SMIM29: variants seen among roughly 807,000 people sequenced by gnomAD.
SMIM29 encodes small integral membrane protein 29, also known as uncharacterized protein C6orf1.
In SMIM29, 4 loss-of-function variants were observed where a neutral mutation model predicts 12.9. The observed-to-expected ratio is 0.31, with a 90% CI of 0.15 to 0.71. The LOEUF (loss-of-function observed/expected upper bound fraction) is 0.71, where lower values mean the gene tolerates loss of function less well. SMIM29 is among the 30% of genes least tolerant of loss of function. SMIM29 has a pLI of 0.70. For synonymous variants in SMIM29, 50 were observed against 52.0 expected, an observed-to-expected ratio of 0.96 and a Z score of 0.17; for missense variants, 122 against 138.1, an observed-to-expected ratio of 0.88 and a Z score of 0.58.
chr6:34,246,521 A>G lies in SMIM29; in HGVS notation c.*282T>C. The stretch of plus-strand genomic sequence containing the variant: ...AAGCCCAGCCCAGGAGGGCTAGAGA[A>G]AGCAAAGGTGTCTACCAGCCGCCCC... On this transcript the variant is annotated 3_prime_UTR_variant, in exon 5 of 5. Coordinates refer to ENST00000476320, the MANE Select transcript of SMIM29 (RefSeq NM_001008703.4). 1 of 1,548,966 alleles carries G rather than the reference A, an allele frequency of 6.5e-7. No homozygotes were observed. The highest frequency in any genetic ancestry group is 8.7e-7 in the Non-Finnish European group (1 of 1,146,512).
chr6:34,247,722 G>A lies in SMIM29; in HGVS notation c.70C>T (p.Pro24Ser). 1 of 1,390,576 alleles carries A rather than the reference G, an allele frequency of 7.2e-7. No individual in the cohort carries two copies. Among genetic ancestry groups the A allele is most frequent in the Non-Finnish European group, 9.3e-7 (1 of 1,079,250 alleles). The allele number at this position is 1,390,576 out of a possible 1,614,324, so 86.1% of individuals were successfully genotyped here. A position where few individuals can be genotyped will look rare whatever the true frequency, so the allele number is the denominator to read the frequency against. ...SDSMVGYVLG[P>S]FFLITLVGVV... ...CCGACCAGGGTGATGAGGAAGAAGG[G>A]CCCCAACACATAGCCCACCATGGAG... Residue 24 changes from proline to serine, a missense_variant, in exon 2 of 5, where the codon CCC becomes TCC. Transcript: ENST00000476320.
In SMIM29 at chr6:34,247,829, C is replaced by T. The variant is rs893004999; in HGVS notation, c.-38G>A. 1.6e-6 allele frequency: 2 copies of T among 1,270,080 alleles called. No homozygotes were observed. Among genetic ancestry groups the T allele is most frequent in the African/African-American group, 3.1e-5 (2 of 64,808 alleles). 78.7% of individuals were successfully genotyped at this position (1,270,080 alleles called of 1,614,324 possible). On this transcript the variant is annotated 5_prime_UTR_variant, in exon 2 of 5. Coordinates refer to ENST00000476320, the MANE Select transcript of SMIM29 (RefSeq NM_001008703.4). Reference sequence around the variant, plus strand: ...CGGAGGGCTGGGTGGTCAGCATGGGCAGTGGCGCTTCGGGAGGGCGCCTCC... The same window carrying T: ...CGGAGGGCTGGGTGGTCAGCATGGGTAGTGGCGCTTCGGGAGGGCGCCTCC...
intron 1 of SMIM29, chr6:34,248,675 G>A: frequency 8.1e-6 from 8 of 985,534 alleles, no homozygotes; most frequent in Non-Finnish European, 7.2e-6. Flanking sequence ...GGCAAGGTAT[G>A]AGCGACCTAC....
At chr6:34,247,608 G>A (rs1473963881) in intron 2 of SMIM29, 73 bp downstream of exon 2, 18 of 1,467,358 alleles carry the variant, frequency 1.2e-5, no homozygotes, top group Non-Finnish European at 1.4e-5. Context: ...ACTCTGTGCA[G>A]ACTGGACCAG....
At chr6:34,248,224 C>T (rs1762885187) in intron 1 of SMIM29, 3 of 985,374 alleles carry the variant, frequency 3.0e-6, no homozygotes, top group East Asian at 2.3e-4. Context: ...CTGCCAGCAC[C>T]TGTCCAGTGG....
rs571773263 is a variant in SMIM29 at position 34,246,948 on chromosome 6, C to A, written c.244-80G>T. 15 of 1,603,670 alleles carry A rather than the reference C, an allele frequency of 9.4e-6. No individual in the cohort carries two copies. The South Asian group carries it at 1.7e-4, about 18-fold the overall frequency. ...AGCACCCAGTTACAGCCCAAGTAAG[C>A]AGAACCAGGCTCTGGTTTCAGTGTG... On this transcript the variant is annotated intron_variant, in intron 4 of 4. Transcript: ENST00000476320.
chr6:34,248,893 C>G lies in SMIM29; in HGVS notation c.-74+86G>C, dbSNP rs191427530. 194 of 985,624 alleles carry G rather than the reference C, an allele frequency of 2.0e-4. No individual in the cohort carries two copies. The African/African-American group carries it at 3.3e-3, about 17-fold the overall frequency. The allele number at this position is 985,624 out of a possible 1,614,324, so 61.1% of individuals were successfully genotyped here. On this transcript the variant is annotated intron_variant, in intron 1 of 4. Coordinates refer to ENST00000476320, the MANE Select transcript of SMIM29 (RefSeq NM_001008703.4). ...GTTGGGGGATGCGGATGGGCCGCCC[C>G]GCGCCCGAACATCCTGGAAGCCCGT...
rs1762767119 is a variant in SMIM29, at chr6:34,246,543, C to T, written c.*260G>A. 1.3e-6 allele frequency: 2 copies of T among 1,568,712 alleles called. No individual in the cohort carries two copies. Among genetic ancestry groups the T allele is most frequent in the African/African-American group, 1.4e-5 (1 of 73,894 alleles). ...AGAAAGCAAAGGTGTCTACCAGCCGCCCCCATCCCAGAAGGAAAGCCTCTT... is the reference window on the plus strand; with the variant it reads ...AGAAAGCAAAGGTGTCTACCAGCCGTCCCCATCCCAGAAGGAAAGCCTCTT... On this transcript the variant is annotated 3_prime_UTR_variant, in exon 5 of 5. Transcript: ENST00000476320.
Position 34,246,755 on chromosome 6 carries a change from A to G in SMIM29, c.*48T>C, listed in dbSNP as rs368008356. 1 of 1,613,506 alleles carries G rather than the reference A, an allele frequency of 6.2e-7. No individual in the cohort carries two copies. Among genetic ancestry groups the G allele is most frequent in the Non-Finnish European group, 8.5e-7 (1 of 1,179,954 alleles). On this transcript the variant is annotated 3_prime_UTR_variant, in exon 5 of 5. Coordinates refer to ENST00000476320, the MANE Select transcript of SMIM29 (RefSeq NM_001008703.4). ...CAGGGGAAGCAGATGGCAGGGCCCC[A>G]GGCAGTCCAGGACCCCAGGCTCTGA...
rs752139148 is a variant in SMIM29 at position 34,246,873 on chromosome 6, C to T, written c.244-5G>A. On this transcript the variant is annotated splice_polypyrimidine_tract_variant and splice_region_variant and intron_variant, in intron 4 of 4. Transcript: ENST00000476320. ...ACTCTGCCAGCCATGTACCACCTGT[C>T]GGGGAGGAGACCACACCACAAGGCT... is the stretch of plus-strand genomic sequence containing the variant. 63 of 1,604,382 alleles carry T rather than the reference C, an allele frequency of 3.9e-5. No individual in the cohort carries two copies. Among genetic ancestry groups the T allele is most frequent in the Non-Finnish European group, 4.3e-5 (50 of 1,174,182 alleles).
At chr6:34,248,756 G>A in intron 1 of SMIM29, 2 of 985,666 alleles carry the variant, frequency 2.0e-6, no homozygotes. Context: ...CCCAGGTCAA[G>A]GGGGCATGCC....
Position 34,246,493 on chromosome 6 carries a change from C to T in SMIM29, c.*310G>A. ...TCCAAAGCCTGCCTGGGGATTTGTG[C>T]CCAAGCCCAGCCCAGGAGGGCTAGA... On this transcript the variant is annotated 3_prime_UTR_variant, in exon 5 of 5. Coordinates refer to ENST00000476320, the MANE Select transcript of SMIM29 (RefSeq NM_001008703.4). The T allele has an allele frequency of 6.6e-7, 1 of 1,521,360 alleles. No homozygotes were observed. The highest frequency in any genetic ancestry group is 2.2e-5 in the Admixed American group (1 of 45,590). 94.2% of individuals were successfully genotyped at this position (1,521,360 alleles called of 1,614,324 possible). A position where few individuals can be genotyped will look rare whatever the true frequency, so the allele number is the denominator to read the frequency against.
In SMIM29 at chr6:34,246,673, G is replaced by A. The variant is rs773560205; in HGVS notation, c.*130C>T. 4.0e-5 allele frequency: 64 copies of A among 1,613,868 alleles called. No individual in the cohort carries two copies. The highest frequency in any genetic ancestry group is 1.8e-4 in the Admixed American group (11 of 60,000). ...GGGCATGGGAAGCAGATGCTGCTGAGGGTGGGTGGAGGGAGAAATGGAGAC... is the reference window on the plus strand; with the variant it reads ...GGGCATGGGAAGCAGATGCTGCTGAAGGTGGGTGGAGGGAGAAATGGAGAC... On this transcript the variant is annotated 3_prime_UTR_variant, in exon 5 of 5. Transcript: ENST00000476320.
intron 4 of SMIM29, 86 bp from the exon 5 acceptor site, chr6:34,246,954 C>T: frequency 1.2e-6 from 2 of 1,606,438 alleles, no homozygotes; most frequent in East Asian, 2.2e-5. Flanking sequence ...TAAGCAGAAC[C>T]AGGCTCTGGT....
intron 1 of SMIM29, chr6:34,248,714 A>T: frequency 4.1e-6 from 4 of 985,422 alleles, no homozygotes; most frequent in Non-Finnish European, 4.8e-6. Flanking sequence ...CGGGGCATCG[A>T]GCTTGCCCTT....
intron 1 of SMIM29, chr6:34,248,311 C>T (rs1762888840): frequency 2.0e-6 from 2 of 985,416 alleles, no homozygotes; most frequent in Admixed American, 1.2e-4. Flanking sequence ...CTGAAGGAGC[C>T]CGCTTCCATC....
intron 1 of SMIM29, 177 bp downstream of exon 1, chr6:34,248,802 G>A: frequency 1.0e-6 from 1 of 985,782 alleles, no homozygotes; most frequent in Non-Finnish European, 1.2e-6. Flanking sequence ...GCTAGGATGC[G>A]GGCCAGCAAC....
At chr6:34,248,586 CAA>C in intron 1 of SMIM29, 1 of 985,558 alleles carries the variant, frequency 1.0e-6, no homozygotes, top group Non-Finnish European at 1.2e-6. Context: ...TCGACAGAAG[CAA>C]AGAGATCGTC....
rs764536263 is a variant in SMIM29, at chr6:34,246,753, C to G, written c.*50G>C. ...AGCAGGGGAAGCAGATGGCAGGGCC[C>G]CAGGCAGTCCAGGACCCCAGGCTCT... On this transcript the variant is annotated 3_prime_UTR_variant, in exon 5 of 5. Coordinates refer to ENST00000476320, the MANE Select transcript of SMIM29 (RefSeq NM_001008703.4). The G allele has an allele frequency of 2.5e-6, 4 of 1,613,478 alleles. No individual in the cohort carries two copies. Among genetic ancestry groups the G allele is most frequent in the Non-Finnish European group, 3.4e-6 (4 of 1,179,948 alleles).
Sources: gnomAD v4.1 joint callset for allele counts on GRCh38, gnomAD v4.1.1 for gene constraint, MANE v1.5 for transcripts, NCBI Gene and HGNC (gene_info 2026-07-23, HGNC 2026-07-21) for gene names.